The following CMSS1 variants were observed in gnomAD, a reference collection of about 807,000 sequenced individuals.
CMSS1 encodes the protein protein CMSS1.
CMSS1 carries 33 observed loss-of-function variants against 43.5 expected under a neutral mutation model. The ratio of observed to expected loss-of-function variants is 0.76; its 90% CI spans 0.57 to 1.01. The LOEUF (loss-of-function observed/expected upper bound fraction) is 1.01, where lower values mean the gene tolerates loss of function less well. CMSS1 is among the 50% of genes least tolerant of loss of function. The pLI, the probability that CMSS1 is intolerant of heterozygous loss-of-function variation, is 0.00. For synonymous variants in CMSS1, 115 were observed against 117.2 expected, an observed-to-expected ratio of 0.98 and a Z score of 0.12; for missense variants, 313 against 326.4, an observed-to-expected ratio of 0.96 and a Z score of 0.32.
intron 1 of CMSS1, among the ~76,000 whole-genome samples, chr3:100,042,395 G>C (rs2065220118): frequency 6.6e-6 from 1 of 152,116 alleles, no homozygotes; most frequent in African/African-American, 2.4e-5. Context: ...TCTGTTATCT[G>C]ATGTTTCGTC....
chr3:99,996,137 A>G (rs1709672642), intron 1 of CMSS1, among the ~76,000 whole-genome samples: 1 of 152,206 alleles, frequency 6.6e-6, no homozygotes, highest in Non-Finnish European at 1.5e-5. Flanking sequence ...AATGCCTATA[A>G]CAGCACCCAG....
At chr3:100,005,164 G>A (rs906060894) in intron 1 of CMSS1, among the ~76,000 whole-genome samples, 1 of 152,188 alleles carries the variant, frequency 6.6e-6, no homozygotes, top group Non-Finnish European at 1.5e-5. Context: ...GTTACAACCA[G>A]GAAACCTCCC....
At chr3:99,818,287 C>A (rs1292986638) in intron 1 of CMSS1, among the ~76,000 whole-genome samples, 1 of 152,220 alleles carries the variant, frequency 6.6e-6, no homozygotes, top group Non-Finnish European at 1.5e-5. Flanking sequence ...TTTCTCTTTT[C>A]CTTATTTCTT....
At chr3:100,102,523 T>G (rs572462951) in intron 1 of CMSS1, among the ~76,000 whole-genome samples, 2 of 152,346 alleles carry the variant, frequency 1.3e-5, no homozygotes, top group East Asian at 3.9e-4. Flanking sequence ...ACTCCAGTAT[T>G]TTATCTGTAC....
intron 1 of CMSS1, among the ~76,000 whole-genome samples, chr3:99,956,256 C>T (rs1439681993): frequency 6.6e-6 from 1 of 152,158 alleles, no homozygotes; most frequent in East Asian, 1.9e-4. Flanking sequence ...GCTTTCCTTC[C>T]TCTGCCCCCA....
chr3:99,903,230 A>G (rs760326737), intron 1 of CMSS1, among the ~76,000 whole-genome samples: 1 of 151,914 alleles, frequency 6.6e-6, no homozygotes, highest in Non-Finnish European at 1.5e-5. Flanking sequence ...GTATTCATAC[A>G]TGTGTGTATA....
chr3:99,952,860 A>G (rs1432572376), intron 1 of CMSS1, among the ~76,000 whole-genome samples: 2 of 152,158 alleles, frequency 1.3e-5, no homozygotes, highest in Non-Finnish European at 2.9e-5. Flanking sequence ...TATATGTTGG[A>G]TTGTTTTTCT....
intron 1 of CMSS1, among the ~76,000 whole-genome samples, chr3:100,113,760 A>G (rs1346607865): frequency 2.0e-5 from 3 of 152,220 alleles, no homozygotes; most frequent in Non-Finnish European, 2.9e-5. Context: ...TTGACTATCC[A>G]TCTTACTCTT....
intron 1 of CMSS1, among the ~76,000 whole-genome samples, chr3:99,829,545 T>G (rs561962121): frequency 3.2e-4 from 49 of 152,330 alleles, no homozygotes; most frequent in African/African-American, 1.2e-3. Flanking sequence ...ATGTGGAAAC[T>G]CAAGGCTTAG....
chr3:99,970,522 C>T (rs1247495657), intron 1 of CMSS1, among the ~76,000 whole-genome samples: 1 of 152,250 alleles, frequency 6.6e-6, no homozygotes, highest in East Asian at 1.9e-4. Flanking sequence ...TACCTAATTG[C>T]AGAACACTTT....
intron 1 of CMSS1, among the ~76,000 whole-genome samples, chr3:99,883,553 T>C (rs1705798311): frequency 6.6e-6 from 1 of 152,120 alleles, no homozygotes; most frequent in African/African-American, 2.4e-5. Context: ...ACAGATTTTC[T>C]TACCATTTTA....
intron 4 of CMSS1, among the ~76,000 whole-genome samples, chr3:100,163,036 A>G (rs1487922191): frequency 6.6e-6 from 1 of 152,268 alleles, no homozygotes; most frequent in Non-Finnish European, 1.5e-5. Flanking sequence ...CTGATAGATT[A>G]TATCAAATAG....
At chr3:99,849,348 A>G in intron 1 of CMSS1, 1 of 1,614,088 alleles carries the variant, frequency 6.2e-7, no homozygotes, top group South Asian at 1.1e-5. Context: ...TCTTACTGAA[A>G]TGCCGGTACC....
Position 100,165,650 on chromosome 3 carries a change from C to T in CMSS1, c.356-685C>T, listed in dbSNP as rs527929261. ...ATCTACCACATATACTCATCCATTT[C>T]CCCAGATATGGACACCTAGGTTGCT... On this transcript the variant is annotated intron_variant, in intron 4 of 9. Coordinates refer to ENST00000421999, the MANE Select transcript of CMSS1 (RefSeq NM_032359.4). Among the ~76,000 whole-genome samples, 3 of 152,194 alleles carry T rather than the reference C, an allele frequency of 2.0e-5. No individual in the cohort carries two copies. The East Asian group carries it at 5.8e-4, about 29-fold the overall frequency.
intron 4 of CMSS1, 47 bp from the exon 5 acceptor site, chr3:100,166,288 T>C (rs758647883): frequency 1.7e-5 from 21 of 1,216,204 alleles, no homozygotes; most frequent in Non-Finnish European, 2.4e-5. Flanking sequence ...TTTGATTGTG[T>C]GTGTGTTTAC....
intron 1 of CMSS1, among the ~76,000 whole-genome samples, chr3:100,089,648 T>G (rs1265274032): frequency 6.6e-6 from 1 of 152,236 alleles, no homozygotes; most frequent in African/African-American, 2.4e-5. Context: ...ACTGAATCAC[T>G]TTACTGATGT....
rs542338557 is a variant in CMSS1, at chr3:99,827,025, G to A, written c.64+8982G>A. Among the ~76,000 whole-genome samples, 4 of 152,184 alleles carry A rather than the reference G, an allele frequency of 2.6e-5. No individual in the cohort carries two copies. In the South Asian group the frequency reaches 8.3e-4, roughly 32 times the overall value. ...AAACAACATGCCCAGGAGGAAAGAT[G>A]CTTTATATTTCAGTTGTGTTACATA... On this transcript the variant is annotated intron_variant, in intron 1 of 9. Transcript: ENST00000421999.
At chr3:100,154,662 A>G (rs1246663780) in intron 2 of CMSS1, among the ~76,000 whole-genome samples, 1 of 152,208 alleles carries the variant, frequency 6.6e-6, no homozygotes, top group East Asian at 1.9e-4. Context: ...CAACCTAATA[A>G]TCATACATAT....
intron 8 of CMSS1, among the ~76,000 whole-genome samples, chr3:100,175,974 G>A (rs2067145129): frequency 6.6e-6 from 1 of 152,124 alleles, no homozygotes; most frequent in Admixed American, 6.5e-5. Flanking sequence ...CCTTTGAAAG[G>A]CAACTACCCC....
Sources: allele counts gnomAD v4.1 joint callset (sites outside exome capture counted in the v4.1 genomes callset), GRCh38; gene constraint gnomAD v4.1.1; transcripts MANE v1.5; gene names NCBI Gene and HGNC (gene_info 2026-07-23, HGNC 2026-07-21).